The following CD55 variants were observed in gnomAD, a reference collection of about 807,000 sequenced individuals.
CD55 encodes CD55 molecule (Cromer blood group).
Under a neutral mutation model 45.8 loss-of-function variants are expected in CD55, and 41 were observed. The observed-to-expected ratio is 0.90, with a 90% confidence interval of 0.70 to 1.16. CD55 has a LOEUF of 1.16. CD55 is among the 50% of genes most tolerant of loss of function. The pLI is 0.00. For missense variants in CD55, 416 were observed against 469.8 expected (o/e 0.89, Z 1.06); for synonymous variants, 181 against 181.1 (o/e 1.00, Z 0.01).
At position 207,360,221 on chromosome 1, in the gene CD55, T is replaced by C. The variant is rs534381219; in HGVS notation, c.*611T>C. 2.0e-5 allele frequency: 3 copies of C among 152,272 alleles called. No individual in the cohort carries two copies. Among genetic ancestry groups the C allele is most frequent in the East Asian group, 1.9e-4 (1 of 5,188 alleles). The allele number at this position is 152,272 out of a possible 1,614,324, so 9.4% of individuals were successfully genotyped here. ...ACTGAATCTTCCTTTGTTGCACAAA[T>C]AGAGTTTGGAAAAAGCCTGTGAAAG... On this transcript the variant is annotated 3_prime_UTR_variant, in exon 10 of 10. Coordinates refer to ENST00000367064, the MANE Select transcript of CD55 (RefSeq NM_000574.5).
At chr1:207,350,173 G>T in intron 9 of CD55, 1 of 448,584 alleles carries the variant, frequency 2.2e-6, no homozygotes, top group Non-Finnish European at 4.5e-6. Context: ...TATTGATTTG[G>T]ATATGTTGAG....
At chr1:207,352,288 A>G (rs1489010265) in intron 9 of CD55, among the ~76,000 whole-genome samples, 1 of 151,762 alleles carries the variant, frequency 6.6e-6, no homozygotes, top group Non-Finnish European at 1.5e-5. Flanking sequence ...TCTTCTCACC[A>G]AAGACCTTTT....
rs1654702437 is a variant in CD55 at position 207,326,775 on chromosome 1, C to G, written c.602C>G (p.Ser201Cys). ...NTGYKLFGST[S>C]SFCLISGSSV... ...AGGTACAAATTATTTGGCTCGACTTCTAGTTTTTGTCTTATTTCAGGCAGC... is the reference window on the plus strand; with the variant it reads ...AGGTACAAATTATTTGGCTCGACTTGTAGTTTTTGTCTTATTTCAGGCAGC... The change falls in exon 5 of 10, where the codon TCT (serine) becomes TGT (cysteine). Residue 201 changes from serine (S) to cysteine (C), a missense_variant. By Grantham distance (112) the Ser-to-Cys change is moderately radical (BLOSUM62 -1). Coordinates refer to ENST00000367064, the MANE Select transcript of CD55 (RefSeq NM_000574.5). The G allele has an allele frequency of 6.2e-7, 1 of 1,613,760 alleles. No individual in the cohort carries two copies. Among genetic ancestry groups the G allele is most frequent in the Non-Finnish European group, 8.5e-7 (1 of 1,179,756 alleles).
intron 9 of CD55, among the ~76,000 whole-genome samples, chr1:207,342,988 G>A (rs1325208759): frequency 6.6e-6 from 1 of 151,984 alleles, no homozygotes; most frequent in East Asian, 1.9e-4. Flanking sequence ...CAATGTATAG[G>A]TGTTTATAAT....
At chr1:207,355,605 C>T (rs1656048451) in intron 9 of CD55, among the ~76,000 whole-genome samples, 1 of 152,128 alleles carries the variant, frequency 6.6e-6, no homozygotes, top group Non-Finnish European at 1.5e-5. Flanking sequence ...GTTTGCCCTC[C>T]AATCTCAGAT....
chr1:207,324,390 A>T (rs1348673869), intron 2 of CD55, among the ~76,000 whole-genome samples, 169 bp from the exon 3 acceptor site: 1 of 152,200 alleles, frequency 6.6e-6, no homozygotes, highest in Non-Finnish European at 1.5e-5. Context: ...TATACATGTG[A>T]ATACATTTGC....
chr1:207,337,876 G>A (rs1655255569), intron 8 of CD55, among the ~76,000 whole-genome samples: 1 of 152,016 alleles, frequency 6.6e-6, no homozygotes, highest in African/African-American at 2.4e-5. Context: ...CTAAGTAATT[G>A]AAAATACAGA....
intron 9 of CD55, among the ~76,000 whole-genome samples, chr1:207,346,806 TCA>T (rs943333001): frequency 2.6e-5 from 4 of 152,144 alleles, no homozygotes. Flanking sequence ...TTTATAGTAC[TCA>T]GTGTGAACTT....
At chr1:207,357,452 T>C (rs1398643068) in intron 9 of CD55, among the ~76,000 whole-genome samples, 1 of 152,000 alleles carries the variant, frequency 6.6e-6, no homozygotes, top group East Asian at 1.9e-4. Context: ...ACTTTCCTTT[T>C]GAAATACTGT....
chr1:207,325,781 A>C, intron 4 of CD55, 60 bp downstream of exon 4: 1 of 952,336 alleles, frequency 1.1e-6, no homozygotes, highest in Non-Finnish European at 1.7e-6. Flanking sequence ...TTAGGACTTA[A>C]GGTGAGATTG....
chr1:207,359,229 A>T (rs1462467904), intron 9 of CD55, among the ~76,000 whole-genome samples: 4 of 151,868 alleles, frequency 2.6e-5, no homozygotes, highest in Admixed American at 2.6e-4. Context: ...TTATTTTTAT[A>T]TTTTTTTAAC....
chr1:207,352,821 CT>C (rs1369412645), intron 9 of CD55, among the ~76,000 whole-genome samples: 1 of 151,880 alleles, frequency 6.6e-6, no homozygotes, highest in Non-Finnish European at 1.5e-5. Flanking sequence ...TAAGAACAGT[CT>C]TTTATTCAGG....
rs1467997572 is a variant in CD55, at chr1:207,360,222, A to G, written c.*612A>G. ...CTGAATCTTCCTTTGTTGCACAAAT[A>G]GAGTTTGGAAAAAGCCTGTGAAAGG... On this transcript the variant is annotated 3_prime_UTR_variant, in exon 10 of 10. Coordinates refer to ENST00000367064, the MANE Select transcript of CD55 (RefSeq NM_000574.5). 1 of 152,210 alleles carries G rather than the reference A, an allele frequency of 6.6e-6. No individual in the cohort carries two copies. Among genetic ancestry groups the G allele is most frequent in the Non-Finnish European group, 1.5e-5 (1 of 68,016 alleles). The allele number at this position is 152,210 out of a possible 1,614,324, so 9.4% of individuals were successfully genotyped here. A position where few individuals can be genotyped will look rare whatever the true frequency, so the allele number is the denominator to read the frequency against.
rs1654931540 is a variant in CD55 at position 207,331,259 on chromosome 1, T to C, written c.816T>C (p.Asp272=). The change falls in exon 6 of 10, where the codon GAT becomes GAC. Residue 272 remains aspartate (D), a synonymous_variant. Transcript: ENST00000367064. ...CTATTTATTGTACTGTGAATAATGATGAAGGAGAGTGGAGTGGCCCACCAC... is the reference window on the plus strand; with the variant it reads ...CTATTTATTGTACTGTGAATAATGACGAAGGAGAGTGGAGTGGCCCACCAC... ...EHSIYCTVNN[D]EGEWSGPPPE... 6.2e-7 allele frequency: 1 copy of C among 1,613,894 alleles called. No homozygotes were observed. Among genetic ancestry groups the C allele is most frequent in the Non-Finnish European group, 8.5e-7 (1 of 1,179,832 alleles).
intron 9 of CD55, among the ~76,000 whole-genome samples, chr1:207,355,878 A>G (rs1213712540): frequency 6.6e-6 from 1 of 150,900 alleles, no homozygotes; most frequent in Non-Finnish European, 1.5e-5. Context: ...AACACTTAAG[A>G]AGCCTCTCAA....
chr1:207,337,948 C>T (rs1008655931), intron 8 of CD55, among the ~76,000 whole-genome samples: 2 of 152,130 alleles, frequency 1.3e-5, no homozygotes, highest in African/African-American at 4.8e-5. Context: ...TCAGTGGCAC[C>T]AAGTAATTGT....
chr1:207,355,923 T>C (rs1702731), intron 9 of CD55, among the ~76,000 whole-genome samples: 151,443 of 152,368 alleles, frequency 0.99, 75,271 homozygotes, highest in Non-Finnish European at 1. Flanking sequence ...CATTGTGATA[T>C]TCTAAATATA....
Position 207,331,245 on chromosome 1 carries a change from A to T in CD55, c.802A>T (p.Thr268Ser). ...TMIGEHSIYCTVNNDEGEWSG... is the reference protein window; with the variant it reads ...TMIGEHSIYCSVNNDEGEWSG... ...GATTGGAGAGCACTCTATTTATTGT[A>T]CTGTGAATAATGATGAAGGAGAGTG... The change falls in exon 6 of 10, where the codon ACT becomes TCT. Residue 268 changes from threonine to serine, a missense_variant. Around this residue, in one of 3 missense-constraint regions of CD55, gnomAD observed 182 missense variants for 201.4 expected, o/e 0.90. Coordinates refer to ENST00000367064, the MANE Select transcript of CD55 (RefSeq NM_000574.5). 1.9e-6 allele frequency: 3 copies of T among 1,613,838 alleles called. No individual in the cohort carries two copies. Among genetic ancestry groups the T allele is most frequent in the Non-Finnish European group, 1.7e-6 (2 of 1,179,748 alleles).
At chr1:207,336,620 C>G in intron 6 of CD55, 73 bp from the exon 7 acceptor site, 2 of 1,532,618 alleles carry the variant, frequency 1.3e-6, no homozygotes, top group Admixed American at 3.6e-5. Flanking sequence ...AGCCACAGAG[C>G]AAGCAATGGC....
Sources: gnomAD v4.1 joint callset for allele counts (sites outside exome capture counted in the v4.1 genomes callset) on GRCh38, gnomAD v4.1.1 for gene constraint, gnomAD v4.1.1 regional missense constraint, MANE v1.5 for transcripts, NCBI Gene and HGNC (gene_info 2026-07-23, HGNC 2026-07-21) for gene names.